Variants in CHLSN observed in about 807,000 individuals in gnomAD.
CHLSN encodes the protein protein cholesin.
the CHLSN span, among the ~76,000 whole-genome samples, chr7:1,116,417 C>G: frequency 1.5e-5 from 2 of 129,550 alleles, no homozygotes; most frequent in Admixed American, 7.6e-5. Context: ...ATGACTGCAG[C>G]TCTACGGACC....
the CHLSN span, among the ~76,000 whole-genome samples, chr7:1,008,860 C>T: frequency 4.6e-5 from 7 of 150,792 alleles, no homozygotes; most frequent in African/African-American, 1.2e-4. Context: ...CGTAAACACA[C>T]GCACACACGT....
the CHLSN span, among the ~76,000 whole-genome samples, chr7:1,076,552 A>T: frequency 1.2e-4 from 18 of 152,376 alleles, no homozygotes; most frequent in Non-Finnish European, 2.1e-4. Context: ...GGTTCCCCTA[A>T]CACAGGCAAG....
the CHLSN span, chr7:1,028,359 C>G: frequency 4.0e-6 from 4 of 999,332 alleles, no homozygotes; most frequent in Non-Finnish European, 4.8e-6. Flanking sequence ...GCCTCAGCGC[C>G]TCCACACTGC....
At chr7:1,005,053 G>A in the CHLSN span, among the ~76,000 whole-genome samples, 1 of 152,208 alleles carries the variant, frequency 6.6e-6, no homozygotes, top group East Asian at 1.9e-4. Flanking sequence ...TGAGCACTTT[G>A]GGAGGCCGAG....
the CHLSN span, among the ~76,000 whole-genome samples, chr7:1,110,799 C>T: frequency 6.6e-6 from 1 of 150,484 alleles, no homozygotes; most frequent in African/African-American, 2.5e-5. Flanking sequence ...AGATAAATTA[C>T]AATAGAAGTG....
chr7:1,010,223 C>A, the CHLSN span: 1 of 1,341,682 alleles, frequency 7.5e-7, no homozygotes, highest in Non-Finnish European at 1.0e-6. Context: ...TTCCCGAGCC[C>A]ACCCTCACCT....
At chr7:1,116,393 C>T in the CHLSN span, among the ~76,000 whole-genome samples, 713 of 142,608 alleles carry the variant, frequency 5.0e-3, 24 homozygotes, top group African/African-American at 0.018. Context: ...CCGACGCCCA[C>T]GCAGGATGAT....
chr7:1,080,136 T>C, the CHLSN span, among the ~76,000 whole-genome samples: 7 of 152,114 alleles, frequency 4.6e-5, no homozygotes, highest in Non-Finnish European at 1.0e-4. Flanking sequence ...CAAAACAGAG[T>C]GGCCACTTTG....
the CHLSN span, among the ~76,000 whole-genome samples, chr7:1,013,020 G>A: frequency 6.6e-6 from 1 of 152,350 alleles, no homozygotes; most frequent in East Asian, 1.9e-4. Context: ...AGGCTGGAGG[G>A]CACAGGCCGC....
chr7:984,927 C>A, the CHLSN span: 1 of 1,572,772 alleles, frequency 6.4e-7, no homozygotes. Context: ...CCTGGGCTCA[C>A]CACGCACTGT....
the CHLSN span, among the ~76,000 whole-genome samples, chr7:1,019,209 AAAC>A: frequency 2.9e-3 from 240 of 81,710 alleles, 3 homozygotes; most frequent in East Asian, 0.011. Context: ...AAAAAAAAAA[AAAC>A]GGGGGGGGGG....
chr7:1,042,085 G>A, the CHLSN span, among the ~76,000 whole-genome samples: 1 of 152,034 alleles, frequency 6.6e-6, no homozygotes, highest in African/African-American at 2.4e-5. Context: ...CAACACACAC[G>A]GCACACAGGA....
At chr7:1,079,408 A>AG in the CHLSN span, among the ~76,000 whole-genome samples, 1 of 152,214 alleles carries the variant, frequency 6.6e-6, no homozygotes, top group Non-Finnish European at 1.5e-5. Flanking sequence ...CGTGTGAACC[A>AG]TCCTGGGATG....
At chr7:1,092,876 C>A in the CHLSN span, 9 of 1,605,112 alleles carry the variant, frequency 5.6e-6, no homozygotes, top group Non-Finnish European at 6.8e-6. Context: ...GCCGCATAGG[C>A]CCAGCCAGGG....
the CHLSN span, among the ~76,000 whole-genome samples, chr7:1,113,940 G>A: frequency 6.6e-4 from 101 of 152,338 alleles, no homozygotes; most frequent in Admixed American, 1.8e-3. Flanking sequence ...GGAGAGGCCC[G>A]AGCTCAGAAA....
the CHLSN span, chr7:1,091,485 G>GC: frequency 2.0e-6 from 1 of 490,298 alleles, no homozygotes; most frequent in Non-Finnish European, 3.6e-6. Flanking sequence ...GGACGAGCAC[G>GC]CGGAGGGCCC....
the CHLSN span, among the ~76,000 whole-genome samples, chr7:994,640 A>G: frequency 6.6e-6 from 1 of 151,978 alleles, no homozygotes; most frequent in Admixed American, 6.5e-5. Flanking sequence ...CAGTTTAGCC[A>G]TGTTGCCCAG....
the CHLSN span, chr7:988,763 G>A: frequency 2.4e-5 from 38 of 1,598,342 alleles, no homozygotes; most frequent in Middle Eastern, 1.8e-4. Context: ...CACCACGCCC[G>A]CCCGGGCTTT....
chr7:1,042,757 G>A, the CHLSN span, among the ~76,000 whole-genome samples: 2 of 152,102 alleles, frequency 1.3e-5, no homozygotes, highest in East Asian at 1.9e-4. Context: ...CAGACAGCAC[G>A]GTGCATACTC....
Sources: allele counts gnomAD v4.1 joint callset (sites outside exome capture counted in the v4.1 genomes callset), GRCh38; gene constraint gnomAD v4.1.1; transcripts MANE v1.5; gene names NCBI Gene and HGNC (gene_info 2026-07-23, HGNC 2026-07-21).